CNOT2: variants seen among roughly 807,000 people sequenced by gnomAD.
CNOT2 encodes CCR4-NOT transcription complex subunit 2, also known as CC chemokine receptor 4-negative regulator of transcription 2.
In CNOT2, 7 loss-of-function variants were observed where a neutral mutation model predicts 72.1. That is an observed-to-expected ratio of 0.10 (90% CI 0.06 to 0.18). The LOEUF is 0.18. Among genes scored for constraint, CNOT2 ranks in the 10% least tolerant of loss-of-function variants. The pLI, the probability that CNOT2 is intolerant of heterozygous loss-of-function variation, is 1.00. For synonymous variants in CNOT2, 196 were observed against 225.6 expected (o/e 0.87, Z 1.17); for missense variants, 345 against 660.3 (o/e 0.52, Z 5.23).
intron 1 of CNOT2, among the ~76,000 whole-genome samples, chr12:70,274,414 T>C (rs1203402217): frequency 6.6e-6 from 1 of 152,074 alleles, no homozygotes; most frequent in Non-Finnish European, 1.5e-5. Context: ...CACCCCAGAA[T>C]GTAATGTCTT....
chr12:70,261,881 T>A (rs916749327), intron 1 of CNOT2, among the ~76,000 whole-genome samples: 2 of 151,808 alleles, frequency 1.3e-5, no homozygotes, highest in African/African-American at 2.4e-5. Context: ...TAATGCAATC[T>A]CTTCACTTGT....
At chr12:70,246,961 A>G (rs771268537) in intron 1 of CNOT2, among the ~76,000 whole-genome samples, 22 of 152,168 alleles carry the variant, frequency 1.4e-4, no homozygotes, top group Non-Finnish European at 2.8e-4. Flanking sequence ...ACAGTTTACA[A>G]TGTTTGCTTT....
chr12:70,271,751 G>A (rs928312850), intron 1 of CNOT2, among the ~76,000 whole-genome samples: 3 of 152,130 alleles, frequency 2.0e-5, no homozygotes, highest in Admixed American at 6.5e-5. Flanking sequence ...GGCTTTTAGA[G>A]TGTCAACCAG....
At chr12:70,336,652 T>A (rs1204552536) in intron 8 of CNOT2, 1 of 151,910 alleles carries the variant, frequency 6.6e-6, no homozygotes, top group South Asian at 2.1e-4. Flanking sequence ...AAAAAAAAAA[T>A]GATCTGCCCT....
intron 9 of CNOT2, 82 bp downstream of exon 9, chr12:70,337,595 A>G: frequency 7.5e-7 from 1 of 1,326,866 alleles, no homozygotes; most frequent in Non-Finnish European, 1.1e-6. Context: ...CTTACTAAAT[A>G]CTATTACAAA....
In CNOT2 at chr12:70,300,004, T is replaced by C. The variant is rs575153659; in HGVS notation, c.49-10891T>C. Among the ~76,000 whole-genome samples the C allele has an allele frequency of 1.6e-4, 24 of 152,374 alleles. 1 individual carries two copies. The South Asian group carries it at 5.0e-3, about 32-fold the overall frequency. ...GATGAGCATTTTTTCATGTGTTTTT[T>C]TGGCTGCATAAATGTCTTCTTTTGA... On this transcript the variant is annotated intron_variant, in intron 2 of 15. Transcript: ENST00000229195.
chr12:70,319,047 CAAGTT>C (rs1877847728), intron 3 of CNOT2: 1 of 298,538 alleles, frequency 3.3e-6, no homozygotes, highest in Non-Finnish European at 6.2e-6. Flanking sequence ...TGCTGTAACT[CAAGTT>C]AGTGTGACTT....
intron 1 of CNOT2, among the ~76,000 whole-genome samples, chr12:70,264,464 G>C (rs1486139640): frequency 6.6e-6 from 1 of 152,210 alleles, no homozygotes; most frequent in Non-Finnish European, 1.5e-5. Flanking sequence ...CACTACCAGT[G>C]GGCAGGGTGG....
intron 2 of CNOT2, among the ~76,000 whole-genome samples, chr12:70,284,091 G>GCCAC (rs1363757285): frequency 6.6e-6 from 1 of 151,428 alleles, no homozygotes; most frequent in Non-Finnish European, 1.5e-5. Flanking sequence ...ACAGGCATGT[G>GCCAC]CCACCATGCC....
intron 1 of CNOT2, among the ~76,000 whole-genome samples, chr12:70,245,416 C>T: frequency 6.6e-6 from 1 of 152,108 alleles, no homozygotes. Context: ...AAGTGAGAAA[C>T]TGCTGAAGTT....
chr12:70,337,208 C>T, intron 8 of CNOT2, 181 bp from the exon 9 acceptor site: 1 of 479,746 alleles, frequency 2.1e-6, no homozygotes, highest in South Asian at 3.4e-5. Context: ...AGTTATTAAT[C>T]AGTAAATGAA....
chr12:70,351,455 C>G, intron 15 of CNOT2, among the ~76,000 whole-genome samples: 1 of 152,066 alleles, frequency 6.6e-6, no homozygotes, highest in East Asian at 1.9e-4. Flanking sequence ...GATTTTAAAA[C>G]GTGGAAGGCA....
chr12:70,312,991 TAC>T (rs1876726674), intron 3 of CNOT2, among the ~76,000 whole-genome samples: 2 of 152,008 alleles, frequency 1.3e-5, no homozygotes, highest in Admixed American at 1.3e-4. Flanking sequence ...TTCTAGGTCA[TAC>T]AGACATATTT....
intron 2 of CNOT2, among the ~76,000 whole-genome samples, chr12:70,305,324 G>T (rs535017004): frequency 1.3e-5 from 2 of 152,170 alleles, no homozygotes; most frequent in East Asian, 3.9e-4. Context: ...ACCCTCATGA[G>T]ACTTATTCAC....
intron 6 of CNOT2, among the ~76,000 whole-genome samples, chr12:70,332,102 A>G (rs1231001686): frequency 6.6e-6 from 1 of 151,764 alleles, no homozygotes; most frequent in Non-Finnish European, 1.5e-5. Context: ...TTTTAAGTAT[A>G]TGAAAGGTAA....
intron 2 of CNOT2, chr12:70,294,291 A>T (rs752550104): frequency 4.7e-6 from 6 of 1,289,456 alleles, no homozygotes; most frequent in Non-Finnish European, 5.1e-6. Flanking sequence ...AAGAAGTTGC[A>T]CAGGTAAGTA....
Position 70,291,378 on chromosome 12 carries a change from G to A in CNOT2, c.48+13104G>A, listed in dbSNP as rs151206670. Among the ~76,000 whole-genome samples the A allele has an allele frequency of 1.4e-4, 21 of 152,236 alleles. No individual in the cohort carries two copies. The East Asian group carries it at 3.7e-3, about 27-fold the overall frequency. The stretch of plus-strand genomic sequence containing the variant: ...CCTTATTAGGGCCAAAAATGCTACC[G>A]GCACATGAAATTTTACACCTATTCT... On this transcript the variant is annotated intron_variant, in intron 2 of 15. Transcript: ENST00000229195.
intron 1 of CNOT2, among the ~76,000 whole-genome samples, chr12:70,263,396 A>T (rs1192237460): frequency 4.0e-5 from 6 of 151,828 alleles, no homozygotes; most frequent in Admixed American, 6.6e-5. Context: ...TTTTTTAATT[A>T]ATTTTTCTCT....
At chr12:70,273,164 TG>T (rs888567596) in intron 1 of CNOT2, among the ~76,000 whole-genome samples, 1 of 152,184 alleles carries the variant, frequency 6.6e-6, no homozygotes, top group Non-Finnish European at 1.5e-5. Context: ...CAAAACTTCT[TG>T]AAAATGATGT....
Sources: gnomAD v4.1 joint callset for allele counts (sites outside exome capture counted in the v4.1 genomes callset) on GRCh38, gnomAD v4.1.1 for gene constraint, MANE v1.5 for transcripts, NCBI Gene and HGNC (gene_info 2026-07-23, HGNC 2026-07-21) for gene names.